The following TUBGCP2 variants were observed in gnomAD, a reference collection of about 807,000 sequenced individuals.
TUBGCP2 encodes tubulin gamma complex component 2, also known as gamma-tubulin complex component 2.
A neutral mutation model predicts 92.2 loss-of-function variants in TUBGCP2; 55 were observed. The observed-to-expected ratio is 0.60, with a 90% confidence interval of 0.48 to 0.75. The LOEUF is 0.75. Ranked by LOEUF, TUBGCP2 falls within the 30% of genes least tolerant of loss-of-function variation. The pLI, the probability that TUBGCP2 is intolerant of heterozygous loss-of-function variation, is 0.00. For missense variants in TUBGCP2, 1,093 were observed against 1,188.9 expected, an observed-to-expected ratio of 0.92 and a Z score of 1.19; for synonymous variants, 533 against 505.2, an observed-to-expected ratio of 1.06 and a Z score of -0.74.
At chr10:133,300,336 G>A (rs1280331914) in intron 2 of TUBGCP2, 2 of 463,248 alleles carry the variant, frequency 4.3e-6, no homozygotes, top group Non-Finnish European at 7.5e-6. Flanking sequence ...AGCACTTTGG[G>A]AGGCCGAGGC....
chr10:133,309,767 C>T (rs1847944959), upstream of TUBGCP2: 1 of 1,612,372 alleles, frequency 6.2e-7, no homozygotes. Context: ...AAGCACGTCT[C>T]CTTGGCAGGG....
At chr10:133,311,285 T>C (rs1034033723), upstream of TUBGCP2, among the ~76,000 whole-genome samples, 2 of 152,198 alleles carry the variant, frequency 1.3e-5, no homozygotes, top group Non-Finnish European at 2.9e-5. Flanking sequence ...TACAAAGACT[T>C]ACGTGTAAAG....
intron 11 of TUBGCP2, among the ~76,000 whole-genome samples, chr10:133,286,583 C>T (rs2995328): frequency 1.6e-3 from 236 of 152,002 alleles, no homozygotes; most frequent in African/African-American, 5.5e-3. Context: ...TCCTCCCGCG[C>T]GCACGGAACC....
rs1382479229 is a variant in TUBGCP2 at position 133,293,050 on chromosome 10, A to G, written c.1013T>C (p.Leu338Pro). Residue 338 changes from leucine (L) to proline (P), a missense_variant, in exon 7 of 18, where the codon CTG (leucine) becomes CCG (proline). Around this residue, in one of 3 missense-constraint regions of TUBGCP2, gnomAD observed 490 missense variants for 488.5 expected, o/e 1.00. Coordinates refer to ENST00000252936, the MANE Select transcript of TUBGCP2 (RefSeq NM_006659.4). ...GGGCGGGCACGCACCGAGGGAGGCC[A>G]GGATGTCCATGGTGCGCATGGCTGG... ...IQPAMRTMDI[L>P]ASLATSVDKG... is the part of the protein sequence containing the mutation. 1.9e-6 allele frequency: 3 copies of G among 1,613,152 alleles called. No homozygotes were observed. The highest frequency in any genetic ancestry group is 1.1e-5 in the South Asian group (1 of 91,042).
chr10:133,293,535 C>T (rs1185116463), intron 6 of TUBGCP2, 27 bp downstream of exon 6: 1 of 1,548,558 alleles, frequency 6.5e-7, no homozygotes, highest in Non-Finnish European at 8.7e-7. Context: ...ACAGCGCAGG[C>T]TCCCAGGGAC....
At chr10:133,303,864 C>T (rs1234779787) in intron 1 of TUBGCP2, among the ~76,000 whole-genome samples, 1 of 152,230 alleles carries the variant, frequency 6.6e-6, no homozygotes, top group African/African-American at 2.4e-5. Flanking sequence ...ACATATAACA[C>T]ATATGAGATC....
At chr10:133,310,176 GT>G (rs1847957506), upstream of TUBGCP2, 4 of 1,613,958 alleles carry the variant, frequency 2.5e-6, no homozygotes, top group Non-Finnish European at 3.4e-6. Context: ...TCAGTGCTTG[GT>G]AGAAGGCTGC....
rs1847403385 is a variant in TUBGCP2 at position 133,293,142 on chromosome 10, C to A, written c.921G>T (p.Val307=). The A allele has an allele frequency of 6.2e-7, 1 of 1,613,954 alleles. No homozygotes were observed. The highest frequency in any genetic ancestry group is 1.3e-5 in the African/African-American group (1 of 75,080). The stretch of plus-strand genomic sequence containing the variant: ...GCCTGTGCAGCTGCTCCAGCTGTGA[C>A]ACCAGAATCAGGTGCTCCTTCACCA... The part of the protein sequence containing the change: ...RTLVKEHLIL[V]SQLEQLHRQG... Residue 307 remains valine (V), a synonymous_variant, in exon 7 of 18, where the codon GTG becomes GTT. Coordinates refer to ENST00000252936, the MANE Select transcript of TUBGCP2 (RefSeq NM_006659.4).
rs765691776 is a variant in TUBGCP2, at chr10:133,293,698, C to T, written c.688G>A (p.Gly230Arg). 14 of 1,604,726 alleles carry T rather than the reference C, an allele frequency of 8.7e-6. No individual in the cohort carries two copies. The highest frequency in any genetic ancestry group is 6.7e-5 in the African/African-American group (5 of 74,852). The change falls in exon 6 of 18, where the codon GGG becomes AGG. Residue 230 changes from glycine (G) to arginine (R), a missense_variant. This residue lies in a region of TUBGCP2 where 490 missense variants were observed against 488.5 expected (regional missense o/e 1.00). Transcript: ENST00000252936. ...AGGGGCTGAGCACTGACGTACCTCCCGTCCACGCCCACCAGCACGTACAGC... is the reference window on the plus strand; with the variant it reads ...AGGGGCTGAGCACTGACGTACCTCCTGTCCACGCCCACCAGCACGTACAGC... ...DLLYVLVGVD[G>R]RYVSAQPLAG...
chr10:133,309,729 G>T, upstream of TUBGCP2: 1 of 1,603,732 alleles, frequency 6.2e-7, no homozygotes, highest in Non-Finnish European at 8.5e-7. Context: ...GTCCAGCTTG[G>T]TTCCTCGCAC....
chr10:133,297,432 C>T (rs561817140), intron 5 of TUBGCP2: 53 of 452,190 alleles, frequency 1.2e-4, no homozygotes, highest in Non-Finnish European at 2.1e-4. Flanking sequence ...TAAAAATGTA[C>T]CCATGAATTG....
At chr10:133,298,382 C>T (rs1847541883) in intron 4 of TUBGCP2, among the ~76,000 whole-genome samples, 2 of 152,216 alleles carry the variant, frequency 1.3e-5, no homozygotes, top group African/African-American at 4.8e-5. Context: ...AACATGAGCA[C>T]CAGCAGTGGG....
At chr10:133,286,223 T>C (rs1233165810) in intron 11 of TUBGCP2, among the ~76,000 whole-genome samples, 2 of 151,918 alleles carry the variant, frequency 1.3e-5, no homozygotes, top group South Asian at 4.2e-4. Flanking sequence ...GTCCATCAAA[T>C]AGCCAAGGTG....
At chr10:133,283,844 G>A (rs1284546487) in intron 14 of TUBGCP2, 38 bp downstream of exon 14, 1 of 1,608,604 alleles carries the variant, frequency 6.2e-7, no homozygotes, top group South Asian at 1.1e-5. Context: ...AAAGGAAAGT[G>A]GCTTTCAAAC....
At chr10:133,308,772 A>T in intron 1 of TUBGCP2, 51 bp downstream of exon 1, 1 of 375,090 alleles carries the variant, frequency 2.7e-6, no homozygotes, top group Non-Finnish European at 4.5e-6. Flanking sequence ...CGGGCCTGGC[A>T]GTCCCCCAAC....
At chr10:133,287,740 T>G (rs1020794743) in intron 11 of TUBGCP2, among the ~76,000 whole-genome samples, 3 of 145,040 alleles carry the variant, frequency 2.1e-5, no homozygotes, top group African/African-American at 7.7e-5. Context: ...AAACTCCGTC[T>G]CAAAAAAAAA....
rs1314541387 is a variant in TUBGCP2, at chr10:133,288,183, C to A, written c.1668G>T (p.Glu556Asp). Residue 556 changes from glutamate (E) to aspartate (D), a missense_variant, in exon 11 of 18, where the codon GAG becomes GAT. Coordinates refer to ENST00000252936, the MANE Select transcript of TUBGCP2 (RefSeq NM_006659.4). ...TGGCCGTGCTCATGCGCAGCGCCAGCTCCAGGAGCGCTTCCAGGCGAGGGG... is the reference window on the plus strand; with the variant it reads ...TGGCCGTGCTCATGCGCAGCGCCAGATCCAGGAGCGCTTCCAGGCGAGGGG... ...ITPPRLEALLELALRMSTANT... is the reference protein window; with the variant it reads ...ITPPRLEALLDLALRMSTANT... 8.7e-6 allele frequency: 14 copies of A among 1,613,770 alleles called. No individual in the cohort carries two copies. The highest frequency in any genetic ancestry group is 1.2e-5 in the Non-Finnish European group (14 of 1,179,946).
chr10:133,284,559 T>C (rs1159105443), intron 13 of TUBGCP2, among the ~76,000 whole-genome samples: 2 of 152,158 alleles, frequency 1.3e-5, no homozygotes, highest in Non-Finnish European at 2.9e-5. Context: ...TGAGCTCTTG[T>C]TACATTGTCC....
Position 133,283,109 on chromosome 10 carries a change from G to A in TUBGCP2, c.2258C>T (p.Ser753Phe), listed in dbSNP as rs781437149. The A allele has an allele frequency of 2.5e-5, 41 of 1,614,108 alleles. No individual in the cohort carries two copies. The highest frequency in any genetic ancestry group is 3.3e-5 in the Non-Finnish European group (39 of 1,180,042). ...GCAGTTGGTGAACATGACGCACACA[G>A]ACATGAGCTTGGAGAAGACCTTCAG... ...ELLKVFSKLMSVCVMFTNCMQ... is the reference protein window; with the variant it reads ...ELLKVFSKLMFVCVMFTNCMQ... The change falls in exon 15 of 18, where the codon TCT (serine) becomes TTT (phenylalanine). Residue 753 changes from serine to phenylalanine, a missense_variant. Transcript: ENST00000252936.
Sources: gnomAD v4.1 joint callset for allele counts (sites outside exome capture counted in the v4.1 genomes callset) on GRCh38, gnomAD v4.1.1 for gene constraint, gnomAD v4.1.1 regional missense constraint, MANE v1.5 for transcripts, NCBI Gene and HGNC (gene_info 2026-07-23, HGNC 2026-07-21) for gene names.